Variants in ANO10 observed in about 807,000 individuals in gnomAD.
The protein encoded by ANO10 is anoctamin-10.
A neutral mutation model predicts 74.7 loss-of-function variants in ANO10; 77 were observed. That is an observed-to-expected ratio of 1.03 (90% CI 0.86 to 1.25). The LOEUF (loss-of-function observed/expected upper bound fraction) is 1.25, where lower values mean the gene tolerates loss of function less well. ANO10 is among the 50% of genes most tolerant of loss of function. The pLI, the probability that ANO10 is intolerant of heterozygous loss-of-function variation, is 0.00. For missense variants in ANO10, 721 were observed against 778.1 expected, an observed-to-expected ratio of 0.93 and a Z score of 0.87; for synonymous variants, 279 against 284.9, an observed-to-expected ratio of 0.98 and a Z score of 0.21.
At chr3:43,391,681 G>A (rs899381068) in intron 12 of ANO10, among the ~76,000 whole-genome samples, 3 of 152,198 alleles carry the variant, frequency 2.0e-5, no homozygotes, top group Non-Finnish European at 4.4e-5. Flanking sequence ...TGGAAGCCAT[G>A]TTGTGGGTGG....
chr3:43,575,929 G>A (rs766358167), intron 6 of ANO10, among the ~76,000 whole-genome samples: 48 of 152,284 alleles, frequency 3.2e-4, no homozygotes, highest in Admixed American at 2.4e-3. Flanking sequence ...GAGCCACTGC[G>A]TCTGGCCCCT....
At chr3:43,593,542 T>C (rs1209227089) in intron 4 of ANO10, among the ~76,000 whole-genome samples, 1 of 152,180 alleles carries the variant, frequency 6.6e-6, no homozygotes, top group East Asian at 1.9e-4. Context: ...TAAAATACTT[T>C]ACAGACGAGC....
intron 7 of ANO10, among the ~76,000 whole-genome samples, chr3:43,573,953 T>G (rs899852440): frequency 5.3e-5 from 8 of 152,114 alleles, no homozygotes; most frequent in African/African-American, 1.9e-4. Flanking sequence ...TTGTTGTTAT[T>G]GTTGTTGTTT....
chr3:43,458,251 G>A (rs941290418), intron 11 of ANO10, among the ~76,000 whole-genome samples: 3 of 152,072 alleles, frequency 2.0e-5, no homozygotes, highest in South Asian at 2.1e-4. Flanking sequence ...CTGCAATGGA[G>A]ACCACTGTGC....
chr3:43,656,675 A>G (rs35471508), intron 1 of ANO10, among the ~76,000 whole-genome samples: 70,256 of 152,136 alleles, frequency 0.46, 18,573 homozygotes, highest in East Asian at 0.75. Flanking sequence ...CCCGGATGCT[A>G]AGTCCCTCAT....
intron 12 of ANO10, among the ~76,000 whole-genome samples, chr3:43,417,565 A>G (rs1047017361): frequency 1.7e-4 from 26 of 152,002 alleles, no homozygotes; most frequent in Non-Finnish European, 1.3e-4. Flanking sequence ...TCTGCCCATT[A>G]AACTTCCACT....
chr3:43,501,330 C>T (rs1207840549), intron 11 of ANO10, among the ~76,000 whole-genome samples: 2 of 152,096 alleles, frequency 1.3e-5, no homozygotes, highest in African/African-American at 4.8e-5. Flanking sequence ...TGGCACCAAG[C>T]CATTCATGAG....
At chr3:43,489,478 C>T (rs1033916687) in intron 11 of ANO10, among the ~76,000 whole-genome samples, 2 of 151,940 alleles carry the variant, frequency 1.3e-5, no homozygotes, top group Admixed American at 1.3e-4. Context: ...TAAATAAATC[C>T]GCCTTTTCTC....
At chr3:43,637,175 A>C (rs2083620219) in intron 1 of ANO10, among the ~76,000 whole-genome samples, 1 of 151,856 alleles carries the variant, frequency 6.6e-6, no homozygotes, top group Non-Finnish European at 1.5e-5. Context: ...GTCTCAAAAA[A>C]ACAAACAAAA....
At chr3:43,550,053 T>G (rs2079388674) in intron 10 of ANO10, among the ~76,000 whole-genome samples, 1 of 152,208 alleles carries the variant, frequency 6.6e-6, no homozygotes, top group African/African-American at 2.4e-5. Context: ...TTAGATACTT[T>G]TGGCATGAAT....
At chr3:43,447,132 T>A (rs557111493) in intron 11 of ANO10, among the ~76,000 whole-genome samples, 5 of 152,326 alleles carry the variant, frequency 3.3e-5, no homozygotes, top group South Asian at 2.1e-4. Flanking sequence ...CTATTTCCAA[T>A]ATTTTTGTTA....
chr3:43,407,628 TAAGAG>T (rs1373463794), intron 12 of ANO10, among the ~76,000 whole-genome samples: 5 of 152,130 alleles, frequency 3.3e-5, no homozygotes, highest in African/African-American at 1.2e-4. Context: ...GCTCGGTAAC[TAAGAG>T]AACACAGAGA....
At chr3:43,492,762 G>T (rs2076771700) in intron 11 of ANO10, among the ~76,000 whole-genome samples, 1 of 152,104 alleles carries the variant, frequency 6.6e-6, no homozygotes, top group Non-Finnish European at 1.5e-5. Flanking sequence ...AGTTAGAATG[G>T]TGGTCATTAA....
intron 1 of ANO10, among the ~76,000 whole-genome samples, chr3:43,633,995 C>CAAAAAAAAA (rs5848667): frequency 1.6e-5 from 2 of 124,040 alleles, no homozygotes; most frequent in Non-Finnish European, 3.3e-5. Context: ...TCATGGACAG[C>CAAAAAAAAA]AAAAAAAAAA....
chr3:43,504,976 G>T (rs2077239400), intron 11 of ANO10, among the ~76,000 whole-genome samples: 1 of 152,118 alleles, frequency 6.6e-6, no homozygotes, highest in Admixed American at 6.6e-5. Flanking sequence ...TCTAAAAAAT[G>T]TATCAACCAG....
chr3:43,484,088 A>ACTATGCCTG (rs2076373415), intron 11 of ANO10, among the ~76,000 whole-genome samples: 1 of 151,914 alleles, frequency 6.6e-6, no homozygotes, highest in Non-Finnish European at 1.5e-5. Context: ...GGCACACACC[A>ACTATGCCTG]CTATGCCTGG....
At chr3:43,615,409 A>G (rs1272262997) in intron 1 of ANO10, among the ~76,000 whole-genome samples, 1 of 152,154 alleles carries the variant, frequency 6.6e-6, no homozygotes, top group African/African-American at 2.4e-5. Context: ...AAGCTGCATC[A>G]ATGGCTACTC....
At chr3:43,635,620 C>CTT (rs1245285633) in intron 1 of ANO10, among the ~76,000 whole-genome samples, 12 of 140,234 alleles carry the variant, frequency 8.6e-5, no homozygotes, top group East Asian at 2.0e-4. Context: ...AAGCTCTGAT[C>CTT]TTTTTTTTTT....
chr3:43,685,027 C>T (rs1678652875), intron 1 of ANO10, among the ~76,000 whole-genome samples: 4 of 152,118 alleles, frequency 2.6e-5, no homozygotes, highest in African/African-American at 9.7e-5. Context: ...CACATGTATA[C>T]ATATGTAACA....
Sources: gnomAD v4.1 joint callset for allele counts (sites outside exome capture counted in the v4.1 genomes callset) on GRCh38, gnomAD v4.1.1 for gene constraint, MANE v1.5 for transcripts, NCBI Gene and HGNC (gene_info 2026-07-23, HGNC 2026-07-21) for gene names.